The following FMN1 variants were observed in gnomAD, a reference collection of about 807,000 sequenced individuals.
The protein encoded by FMN1 is formin 1.
A neutral mutation model predicts 132.4 loss-of-function variants in FMN1; 110 were observed. The ratio of observed to expected loss-of-function variants is 0.83; its 90% CI spans 0.71 to 0.97. The LOEUF is 0.97. Ranked by LOEUF, FMN1 falls within the 50% of genes least tolerant of loss-of-function variation. FMN1 has a pLI of 0.00. For synonymous variants in FMN1, 722 were observed against 651.7 expected, an observed-to-expected ratio of 1.11 and a Z score of -1.64; for missense variants, 1,792 against 1,705.3, an observed-to-expected ratio of 1.05 and a Z score of -0.90.
intron 4 of FMN1, among the ~76,000 whole-genome samples, chr15:33,111,327 A>C (rs1228482104): frequency 6.6e-6 from 1 of 152,190 alleles, no homozygotes; most frequent in Non-Finnish European, 1.5e-5. Context: ...AGATAACAAC[A>C]AGTGTTCATG....
At chr15:33,193,669 TGA>T (rs1470729873) in intron 2 of FMN1, among the ~76,000 whole-genome samples, 1 of 152,130 alleles carries the variant, frequency 6.6e-6, no homozygotes, top group African/African-American at 2.4e-5. Flanking sequence ...TCGGAGTGTG[TGA>T]GTGCTAACAT....
chr15:33,144,154 A>T (rs755579214), intron 4 of FMN1, among the ~76,000 whole-genome samples: 11 of 152,182 alleles, frequency 7.2e-5, no homozygotes, highest in Non-Finnish European at 1.6e-4. Flanking sequence ...CACTGAAATG[A>T]CATTAGTAGT....
intron 9 of FMN1, among the ~76,000 whole-genome samples, chr15:32,931,291 A>G (rs779036033): frequency 6.6e-6 from 1 of 152,256 alleles, no homozygotes; most frequent in African/African-American, 2.4e-5. Context: ...GAATACAGAC[A>G]TTCAATAATA....
Position 32,879,387 on chromosome 15 carries a change from G to GA in FMN1, c.3835+8784dup, listed in dbSNP as rs1174264086. Among the ~76,000 whole-genome samples the GA allele has an allele frequency of 1.3e-4, 20 of 152,284 alleles. No homozygotes were observed. In the East Asian group the frequency reaches 3.9e-3, roughly 29 times the overall value. ...TGTGGACAAATGGGCTGTGAAGGAG[G>GA]AAAGAGCTAATAAATTAGACATGGT... On this transcript the variant is annotated intron_variant, in intron 16 of 20. Transcript: ENST00000616417.
At chr15:33,051,539 C>T (rs2036972210) in intron 6 of FMN1, among the ~76,000 whole-genome samples, 1 of 152,096 alleles carries the variant, frequency 6.6e-6, no homozygotes, top group Non-Finnish European at 1.5e-5. Context: ...GAAAGGCAGT[C>T]TCCCAATAGA....
At chr15:33,142,887 G>A (rs1054504414) in intron 4 of FMN1, among the ~76,000 whole-genome samples, 17 of 152,170 alleles carry the variant, frequency 1.1e-4, no homozygotes, top group Non-Finnish European at 1.8e-4. Flanking sequence ...TGGTTCAGAC[G>A]TGCTGTCCTT....
intron 6 of FMN1, among the ~76,000 whole-genome samples, chr15:33,049,115 C>T (rs2036851521): frequency 6.6e-6 from 1 of 152,094 alleles, no homozygotes; most frequent in African/African-American, 2.4e-5. Context: ...TCTGTGTGAA[C>T]CTATTGGCCA....
At chr15:33,067,110 C>T in intron 5 of FMN1, 1 of 1,614,010 alleles carries the variant, frequency 6.2e-7, no homozygotes, top group Non-Finnish European at 8.5e-7. Flanking sequence ...TTAGAAGAGG[C>T]ACTCTCAGTG....
intron 6 of FMN1, among the ~76,000 whole-genome samples, chr15:33,055,094 G>C (rs1311538263): frequency 6.6e-6 from 1 of 152,070 alleles, no homozygotes; most frequent in Non-Finnish European, 1.5e-5. Context: ...TACCCCTGCA[G>C]CATTAATATC....
At chr15:33,128,581 C>T (rs986155090) in intron 4 of FMN1, among the ~76,000 whole-genome samples, 2 of 152,192 alleles carry the variant, frequency 1.3e-5, no homozygotes, top group African/African-American at 2.4e-5. Context: ...CCGATGCGTT[C>T]GTGGTCTAAC....
intron 17 of FMN1, among the ~76,000 whole-genome samples, chr15:32,816,211 C>T (rs1313549367): frequency 6.6e-6 from 1 of 152,106 alleles, no homozygotes; most frequent in Non-Finnish European, 1.5e-5. Flanking sequence ...ACAGTAAGCT[C>T]CCAAGGATTA....
chr15:33,159,175 CT>C (rs1459389847), intron 3 of FMN1, among the ~76,000 whole-genome samples: 6 of 152,116 alleles, frequency 3.9e-5, no homozygotes, highest in African/African-American at 1.4e-4. Flanking sequence ...GAGTGAGACT[CT>C]GTCTCTAAAT....
chr15:32,849,536 T>C (rs576879892), intron 17 of FMN1, among the ~76,000 whole-genome samples: 4 of 152,300 alleles, frequency 2.6e-5, no homozygotes, highest in South Asian at 2.1e-4. Flanking sequence ...CATTACTGGA[T>C]AGTCATTAGA....
intron 6 of FMN1, among the ~76,000 whole-genome samples, chr15:33,035,357 G>C (rs1477403288): frequency 1.3e-5 from 2 of 152,124 alleles, no homozygotes; most frequent in Non-Finnish European, 2.9e-5. Flanking sequence ...AATAAAAAAT[G>C]ATTTTTTTCC....
At chr15:33,126,727 C>T (rs542850142) in intron 4 of FMN1, among the ~76,000 whole-genome samples, 4 of 152,062 alleles carry the variant, frequency 2.6e-5, no homozygotes, top group African/African-American at 7.2e-5. Context: ...ACGCTACAGG[C>T]AGGCTGGAGC....
intron 4 of FMN1, among the ~76,000 whole-genome samples, chr15:33,117,265 G>A (rs1213643340): frequency 6.6e-6 from 1 of 152,096 alleles, no homozygotes; most frequent in East Asian, 1.9e-4. Context: ...CTCAGATTCT[G>A]GCAATAACAA....
chr15:33,067,948 T>C, intron 5 of FMN1: 1 of 1,530,510 alleles, frequency 6.5e-7, no homozygotes, highest in Non-Finnish European at 8.7e-7. Context: ...TCTCAGTTTA[T>C]CCACTCCATC....
chr15:33,035,715 T>A (rs2036159459), intron 6 of FMN1, among the ~76,000 whole-genome samples: 1 of 152,196 alleles, frequency 6.6e-6, no homozygotes, highest in African/African-American at 2.4e-5. Flanking sequence ...TTCCATAGCA[T>A]CTATCCCCAT....
At chr15:33,159,097 G>A (rs1476125069) in intron 3 of FMN1, among the ~76,000 whole-genome samples, 1 of 152,190 alleles carries the variant, frequency 6.6e-6, no homozygotes, top group East Asian at 1.9e-4. Context: ...CATAAGAATT[G>A]CTTCAACCCA....
Sources: gnomAD v4.1 joint callset for allele counts (sites outside exome capture counted in the v4.1 genomes callset) on GRCh38, gnomAD v4.1.1 for gene constraint, MANE v1.5 for transcripts, NCBI Gene and HGNC (gene_info 2026-07-23, HGNC 2026-07-21) for gene names.